Variants in PEX5L observed in about 807,000 individuals in gnomAD.
PEX5L encodes PEX5-related protein.
Under a neutral mutation model 84.0 loss-of-function variants are expected in PEX5L, and 30 were observed. The observed-to-expected ratio is 0.36, with a 90% CI of 0.27 to 0.48. PEX5L has a LOEUF of 0.48. PEX5L is among the 20% of genes least tolerant of loss of function. The probability of loss-of-function intolerance (pLI) is 0.99; values close to 1 mark genes in which losing one functional copy is unlikely to be tolerated. For synonymous variants in PEX5L, 270 were observed against 283.1 expected (o/e 0.95, Z 0.46); for missense variants, 533 against 754.6 (o/e 0.71, Z 3.44).
At chr3:179,900,155 C>T (rs1345757927) in intron 2 of PEX5L, among the ~76,000 whole-genome samples, 1 of 152,148 alleles carries the variant, frequency 6.6e-6, no homozygotes, top group African/African-American at 2.4e-5. Context: ...CACTCATTTA[C>T]AGACTAAATA....
At chr3:179,865,628 CA>C (rs1227797260) in intron 7 of PEX5L, among the ~76,000 whole-genome samples, 2 of 151,128 alleles carry the variant, frequency 1.3e-5, no homozygotes, top group African/African-American at 4.9e-5. Flanking sequence ...GTATGGTAAA[CA>C]AAACAACTAC....
intron 1 of PEX5L, among the ~76,000 whole-genome samples, chr3:179,994,574 G>A (rs983915648): frequency 2.0e-5 from 3 of 152,150 alleles, no homozygotes; most frequent in Non-Finnish European, 4.4e-5. Context: ...GGCAAGTGAA[G>A]GGAGTCATCA....
chr3:179,954,648 A>T (rs1780038427), intron 2 of PEX5L, among the ~76,000 whole-genome samples: 1 of 152,108 alleles, frequency 6.6e-6, no homozygotes, highest in South Asian at 2.1e-4. Context: ...CGTTTTCTTG[A>T]TGGCTGGTGG....
chr3:179,988,678 T>C (rs753577780), intron 1 of PEX5L, among the ~76,000 whole-genome samples: 25 of 152,224 alleles, frequency 1.6e-4, no homozygotes, highest in Non-Finnish European at 3.4e-4. Flanking sequence ...AAGAAGGAAC[T>C]TGCTGGTGCT....
intron 2 of PEX5L, among the ~76,000 whole-genome samples, chr3:179,931,470 G>A (rs959378919): frequency 3.9e-5 from 6 of 152,166 alleles, no homozygotes; most frequent in Admixed American, 2.6e-4. Context: ...GTCTGCTTTC[G>A]AAATAGCTTT....
intron 2 of PEX5L, among the ~76,000 whole-genome samples, chr3:179,946,560 C>A (rs1053018830): frequency 6.6e-6 from 1 of 152,172 alleles, no homozygotes; most frequent in Non-Finnish European, 1.5e-5. Context: ...GAAGATAAAA[C>A]AACCAATTCA....
intron 7 of PEX5L, among the ~76,000 whole-genome samples, chr3:179,867,340 T>C (rs938643627): frequency 1.3e-5 from 2 of 152,162 alleles, no homozygotes; most frequent in Admixed American, 1.3e-4. Flanking sequence ...TAAATTTGAT[T>C]AGTTGTTTTC....
chr3:179,918,818 T>C (rs112492951), intron 2 of PEX5L, among the ~76,000 whole-genome samples: 6 of 152,192 alleles, frequency 3.9e-5, no homozygotes, highest in African/African-American at 1.4e-4. Context: ...GAATTTTCAA[T>C]GGTATAAGTG....
chr3:179,812,776 T>G (rs1724399942), intron 10 of PEX5L, among the ~76,000 whole-genome samples: 1 of 151,704 alleles, frequency 6.6e-6, no homozygotes, highest in Admixed American at 6.6e-5. Flanking sequence ...GTCTTCAAAT[T>G]TGCTGGGGGT....
At chr3:180,032,439 T>G (rs1357424240) in intron 1 of PEX5L, among the ~76,000 whole-genome samples, 1 of 152,126 alleles carries the variant, frequency 6.6e-6, no homozygotes, top group East Asian at 1.9e-4. Context: ...TAAACTAATC[T>G]CAAAGACTCG....
chr3:179,832,648 T>C (rs1223460298), intron 8 of PEX5L, among the ~76,000 whole-genome samples: 51 of 102,144 alleles, frequency 5.0e-4, no homozygotes, highest in African/African-American at 6.7e-4. Context: ...ACCTACCCCC[T>C]CACCTACCTA....
intron 8 of PEX5L, among the ~76,000 whole-genome samples, chr3:179,844,620 A>G (rs899501318): frequency 5.3e-5 from 8 of 152,164 alleles, no homozygotes; most frequent in Non-Finnish European, 1.0e-4. Context: ...TGAGGTCAGA[A>G]GATCGAGACC....
Position 179,840,161 on chromosome 3 carries a change from TTGTG to T in PEX5L, c.822+18897_822+18900del, listed in dbSNP as rs1235556692. 2.1e-3 allele frequency among the ~76,000 whole-genome samples: 262 copies of T among 123,744 alleles called. 1 individual carries two copies. Among genetic ancestry groups the T allele is most frequent in the African/African-American group, 8.1e-3 (240 of 29,628 alleles). 81.2% of individuals were successfully genotyped at this position (123,744 alleles called of 152,430 possible). On this transcript the variant is annotated intron_variant, in intron 8 of 14. Coordinates refer to ENST00000467460, the MANE Select transcript of PEX5L (RefSeq NM_016559.3). ...TGGAAAACTATCGTCAAGTTGTTTT[TTGTG>T]TGTGTGTGTGTGTGTGTGTTTTTTT...
At chr3:180,014,388 C>T (rs1020148626) in intron 1 of PEX5L, among the ~76,000 whole-genome samples, 4 of 151,854 alleles carry the variant, frequency 2.6e-5, no homozygotes, top group Non-Finnish European at 4.4e-5. Context: ...AGGAGAATGG[C>T]GTGAACCCGG....
rs78070136 is a variant in PEX5L, at chr3:179,948,335, C to T, written c.93+23259G>A. On this transcript the variant is annotated intron_variant, in intron 2 of 14. Coordinates refer to ENST00000467460, the MANE Select transcript of PEX5L (RefSeq NM_016559.3). ...AATTCTCACCTAGCAAGCTGTCTTC[C>T]TTCTTGAAGGATTTCAGCATCTGTT... is the stretch of plus-strand genomic sequence containing the variant. 5.8e-3 allele frequency among the ~76,000 whole-genome samples: 880 copies of T among 152,296 alleles called. 3 individuals carry two copies. The highest frequency in any genetic ancestry group is 1.0e-2 in the Non-Finnish European group (677 of 68,016).
At chr3:179,973,633 G>C (rs1785313650) in intron 1 of PEX5L, 1 of 985,036 alleles carries the variant, frequency 1.0e-6, no homozygotes, top group Non-Finnish European at 1.2e-6. Flanking sequence ...AAACTTTCTT[G>C]ACAATCACTG....
chr3:179,808,490 T>C lies in PEX5L; in HGVS notation c.1353-53A>G, dbSNP rs1270008176. On this transcript the variant is annotated intron_variant, in intron 12 of 14. Coordinates refer to ENST00000467460, the MANE Select transcript of PEX5L (RefSeq NM_016559.3). ...GTAATCCAAATAGTCAGAACATAAA[T>C]GATTTACTGTTAAATCCCTTGACTG... 1.7e-5 allele frequency: 21 copies of C among 1,240,424 alleles called. No individual in the cohort carries two copies. In the Admixed American group the frequency reaches 4.4e-4, roughly 26 times the overall value. The allele number at this position is 1,240,424 out of a possible 1,614,324, so 76.8% of individuals were successfully genotyped here.
chr3:179,808,126 CAGT>C (rs568603712), intron 13 of PEX5L, 143 bp downstream of exon 13: 1,372 of 631,386 alleles, frequency 2.2e-3, no homozygotes, highest in Non-Finnish European at 3.3e-3. Context: ...TTAACAGCCA[CAGT>C]AGCACATTAT....
intron 8 of PEX5L, among the ~76,000 whole-genome samples, chr3:179,840,530 A>G (rs1424340676): frequency 6.6e-6 from 1 of 152,018 alleles, no homozygotes; most frequent in African/African-American, 2.4e-5. Flanking sequence ...GATCTGATGT[A>G]CACTTCGAGA....
Sources: allele counts gnomAD v4.1 joint callset (sites outside exome capture counted in the v4.1 genomes callset), GRCh38; gene constraint gnomAD v4.1.1; transcripts MANE v1.5; gene names NCBI Gene and HGNC (gene_info 2026-07-23, HGNC 2026-07-21).